The following CCDC7 variants were observed in gnomAD, a reference collection of about 807,000 sequenced individuals.
CCDC7 encodes coiled-coil domain-containing protein 7.
CCDC7 carries 183 observed loss-of-function variants against 196.9 expected under a neutral mutation model. That is an observed-to-expected ratio of 0.93 (90% confidence interval 0.82 to 1.05). The LOEUF (loss-of-function observed/expected upper bound fraction) is 1.05. Among genes scored for constraint, CCDC7 ranks in the 50% least tolerant of loss-of-function variants. The probability of loss-of-function intolerance (pLI) is 0.00; values close to 1 mark genes in which losing one functional copy is unlikely to be tolerated. For synonymous variants in CCDC7, 525 were observed against 484.6 expected (o/e 1.08, Z -1.10); for missense variants, 1,540 against 1,482.2 (o/e 1.04, Z -0.64).
At chr10:32,558,145 C>T (rs1184786755) in intron 13 of CCDC7, among the ~76,000 whole-genome samples, 1 of 152,022 alleles carries the variant, frequency 6.6e-6, no homozygotes, top group East Asian at 1.9e-4. Flanking sequence ...TGCTCATTGT[C>T]TTTTATCTTA....
chr10:32,616,391 C>T (rs58538625), intron 18 of CCDC7, among the ~76,000 whole-genome samples: 2 of 151,628 alleles, frequency 1.3e-5, no homozygotes, highest in Admixed American at 6.6e-5. Flanking sequence ...GTCAAATATT[C>T]CTTGATATTT....
intron 18 of CCDC7, among the ~76,000 whole-genome samples, chr10:32,592,794 G>C (rs950440914): frequency 6.6e-6 from 1 of 152,104 alleles, no homozygotes; most frequent in African/African-American, 2.4e-5. Flanking sequence ...GTGAGAACAC[G>C]TGGTGTTTGG....
intron 31 of CCDC7, among the ~76,000 whole-genome samples, chr10:32,823,368 G>C (rs542815801): frequency 1.3e-5 from 2 of 152,116 alleles, no homozygotes; most frequent in South Asian, 2.1e-4. Context: ...TCTCGAACTT[G>C]GGACCTCGAG....
chr10:32,841,767 C>A (rs550912671), intron 33 of CCDC7, among the ~76,000 whole-genome samples: 1 of 151,816 alleles, frequency 6.6e-6, no homozygotes, highest in Non-Finnish European at 1.5e-5. Context: ...ACACATAGAC[C>A]AATGGAACAG....
chr10:32,680,849 C>G (rs2075760291), intron 21 of CCDC7, among the ~76,000 whole-genome samples: 1 of 152,142 alleles, frequency 6.6e-6, no homozygotes, highest in Non-Finnish European at 1.5e-5. Flanking sequence ...CTGATCTACT[C>G]CATATTTTTG....
chr10:32,571,417 A>G (rs2057541780), intron 15 of CCDC7, among the ~76,000 whole-genome samples: 1 of 152,166 alleles, frequency 6.6e-6, no homozygotes, highest in South Asian at 2.1e-4. Context: ...AGTTTATTAT[A>G]TATAGTATTA....
chr10:32,633,678 T>TTG (rs2065183027), intron 18 of CCDC7, among the ~76,000 whole-genome samples: 5 of 64,754 alleles, frequency 7.7e-5, no homozygotes, highest in African/African-American at 1.6e-4. Flanking sequence ...TGATTTAGCT[T>TTG]TGTGTATATA....
chr10:32,834,775 A>G (rs2092472461), intron 32 of CCDC7, 40 bp from the exon 34 acceptor site: 1 of 883,774 alleles, frequency 1.1e-6, no homozygotes, highest in African/African-American at 1.6e-5. Context: ...GTTACAATTT[A>G]CCTTTCAAAG....
chr10:32,748,090 C>A (rs1057429750), intron 28 of CCDC7, among the ~76,000 whole-genome samples: 1 of 152,154 alleles, frequency 6.6e-6, no homozygotes. Context: ...CAGCCATTAT[C>A]CTAAGCAAAT....
intron 29 of CCDC7, among the ~76,000 whole-genome samples, chr10:32,799,906 C>G (rs1463636614): frequency 6.6e-6 from 1 of 152,198 alleles, no homozygotes. Context: ...TGAGGTAGTA[C>G]AGTAAAGGTA....
At chr10:32,624,159 A>C (rs1762546) in intron 18 of CCDC7, among the ~76,000 whole-genome samples, 126,832 of 152,098 alleles carry the variant, frequency 0.83, 53,507 homozygotes, top group Non-Finnish European at 0.9. Context: ...TAAAAAATTC[A>C]ACCACTTTTC....
At chr10:32,751,124 A>AT (rs1265705371) in intron 28 of CCDC7, among the ~76,000 whole-genome samples, 3 of 151,748 alleles carry the variant, frequency 2.0e-5, no homozygotes, top group African/African-American at 7.3e-5. Flanking sequence ...GCTGCACAAT[A>AT]TTTTTTTATC....
intron 18 of CCDC7, among the ~76,000 whole-genome samples, chr10:32,622,122 A>G (rs936835632): frequency 1.3e-5 from 2 of 152,102 alleles, no homozygotes; most frequent in Non-Finnish European, 2.9e-5. Context: ...TTCTGTGTGT[A>G]CTTCATTCTG....
intron 13 of CCDC7, among the ~76,000 whole-genome samples, chr10:32,561,780 A>T (rs1374505542): frequency 6.6e-6 from 1 of 152,204 alleles, no homozygotes; most frequent in South Asian, 2.1e-4. Flanking sequence ...AGCTAGCAGA[A>T]GGCAAGAAAT....
intron 28 of CCDC7, among the ~76,000 whole-genome samples, chr10:32,770,376 A>G (rs2078992721): frequency 6.6e-6 from 1 of 152,166 alleles, no homozygotes; most frequent in Non-Finnish European, 1.5e-5. Context: ...ATTGACCCAA[A>G]TATCATTCAG....
At chr10:32,681,762 C>CACAT (rs1345606124) in intron 21 of CCDC7, among the ~76,000 whole-genome samples, 6 of 151,540 alleles carry the variant, frequency 4.0e-5, no homozygotes, top group African/African-American at 1.5e-4. Context: ...CACACACACA[C>CACAT]ACACACACAC....
chr10:32,479,911 C>G (rs1017254532), intron 8 of CCDC7, among the ~76,000 whole-genome samples: 2 of 148,460 alleles, frequency 1.3e-5, no homozygotes, highest in African/African-American at 5.0e-5. Flanking sequence ...TTCAGACTTT[C>G]TGTTTCTTCA....
At chr10:32,758,033 G>A (rs112447040) in intron 28 of CCDC7, among the ~76,000 whole-genome samples, 8,088 of 151,942 alleles carry the variant, frequency 0.053, 719 homozygotes, top group African/African-American at 0.18. Flanking sequence ...ACATACACCC[G>A]CCCAAGACTA....
intron 28 of CCDC7, among the ~76,000 whole-genome samples, chr10:32,764,447 T>G (rs2077952612): frequency 7.6e-6 from 1 of 131,970 alleles, no homozygotes; most frequent in South Asian, 2.7e-4. Context: ...TATGGTATAA[T>G]TTATTTATCA....
Sources: gnomAD v4.1 joint callset for allele counts (sites outside exome capture counted in the v4.1 genomes callset) on GRCh38, gnomAD v4.1.1 for gene constraint, MANE v1.5 for transcripts, NCBI Gene and HGNC (gene_info 2026-07-23, HGNC 2026-07-21) for gene names.